The following CNTNAP5 variants were observed in gnomAD, a reference collection of about 807,000 sequenced individuals.
CNTNAP5 encodes the protein contactin associated protein family member 5, also known as contactin-associated protein-like 5.
A neutral mutation model predicts 150.2 loss-of-function variants in CNTNAP5; 72 were observed. The ratio of observed to expected loss-of-function variants is 0.48; its 90% CI spans 0.40 to 0.58. The LOEUF (loss-of-function observed/expected upper bound fraction) is 0.58. CNTNAP5 is among the 20% of genes least tolerant of loss of function. The pLI, the probability that CNTNAP5 is intolerant of heterozygous loss-of-function variation, is 0.00. For missense variants in CNTNAP5, 1,636 were observed against 1,626.2 expected, an observed-to-expected ratio of 1.01 and a Z score of -0.10; for synonymous variants, 672 against 619.8, an observed-to-expected ratio of 1.08 and a Z score of -1.25.
intron 10 of CNTNAP5, among the ~76,000 whole-genome samples, chr2:124,545,370 G>C (rs1049244667): frequency 9.2e-5 from 14 of 152,034 alleles, no homozygotes; most frequent in African/African-American, 3.4e-4. Context: ...CTATCGCAAA[G>C]TAGAGGCATG....
intron 11 of CNTNAP5, among the ~76,000 whole-genome samples, chr2:124,571,090 A>T (rs1696142513): frequency 6.6e-6 from 1 of 152,210 alleles, no homozygotes; most frequent in African/African-American, 2.4e-5. Context: ...TGACAAATAC[A>T]AATTTCCTGT....
intron 3 of CNTNAP5, among the ~76,000 whole-genome samples, chr2:124,387,496 A>G (rs550907263): frequency 1.3e-3 from 205 of 152,240 alleles, no homozygotes; most frequent in Non-Finnish European, 2.5e-3. Context: ...ATTAGTTCTT[A>G]TAGGTTTTGG....
rs533783332 is a variant in CNTNAP5 at position 124,898,126 on chromosome 2, A to G, written c.3437-4756A>G. Among the ~76,000 whole-genome samples the G allele has an allele frequency of 4.0e-5, 6 of 151,484 alleles. No homozygotes were observed. In the South Asian group the frequency reaches 1.0e-3, roughly 26 times the overall value. ...ATGAACTCCAGAGGGAAAAATTTTT[A>G]CTTGTATATACTTCTCATACCTTCC... is the stretch of plus-strand genomic sequence containing the variant. On this transcript the variant is annotated intron_variant, in intron 21 of 23. Transcript: ENST00000682447.
chr2:124,323,114 TG>T (rs1321165160), intron 3 of CNTNAP5, among the ~76,000 whole-genome samples: 2 of 152,180 alleles, frequency 1.3e-5, no homozygotes, highest in Non-Finnish European at 2.9e-5. Context: ...ATAAGTAATT[TG>T]GTAAGTTTAT....
intron 1 of CNTNAP5, among the ~76,000 whole-genome samples, chr2:124,140,357 C>T (rs1684089959): frequency 5.3e-5 from 8 of 151,820 alleles, no homozygotes; most frequent in Admixed American, 4.6e-4. Flanking sequence ...AACAAAAAAA[C>T]AGCAGTAACC....
At chr2:124,686,454 G>A (rs1021610635) in intron 13 of CNTNAP5, among the ~76,000 whole-genome samples, 7 of 152,088 alleles carry the variant, frequency 4.6e-5, no homozygotes, top group Non-Finnish European at 2.9e-5. Context: ...TAATGGATGT[G>A]CTAAATACTC....
chr2:124,223,598 T>C (rs1466654986), intron 2 of CNTNAP5, among the ~76,000 whole-genome samples: 2 of 151,852 alleles, frequency 1.3e-5, no homozygotes, highest in East Asian at 2.0e-4. Flanking sequence ...CCCACCCAAA[T>C]TGTGCAGCAG....
intron 3 of CNTNAP5, among the ~76,000 whole-genome samples, chr2:124,308,299 T>A (rs1688741123): frequency 6.6e-6 from 1 of 151,884 alleles, no homozygotes; most frequent in African/African-American, 2.4e-5. Flanking sequence ...ACACCCCAAC[T>A]CTGCTTACAA....
intron 13 of CNTNAP5, among the ~76,000 whole-genome samples, chr2:124,737,614 G>C (rs931852572): frequency 2.6e-5 from 4 of 152,136 alleles, no homozygotes; most frequent in Non-Finnish European, 4.4e-5. Context: ...TTGCAATAGG[G>C]AACTATTGGG....
chr2:124,798,845 T>C (rs1681904257), intron 19 of CNTNAP5, among the ~76,000 whole-genome samples: 1 of 152,162 alleles, frequency 6.6e-6, no homozygotes, highest in African/African-American at 2.4e-5. Context: ...TCAGGCTTTT[T>C]TTTTAAAGAT....
chr2:124,043,358 T>A (rs1175495643), intron 1 of CNTNAP5, among the ~76,000 whole-genome samples: 1 of 152,222 alleles, frequency 6.6e-6, no homozygotes, highest in Non-Finnish European at 1.5e-5. Context: ...TTTCTTCCAC[T>A]GTACATAAGT....
intron 3 of CNTNAP5, among the ~76,000 whole-genome samples, chr2:124,265,120 T>G (rs559039355): frequency 1.4e-4 from 21 of 152,268 alleles, no homozygotes; most frequent in African/African-American, 5.1e-4. Flanking sequence ...AAATGTAAGT[T>G]TCAGACAGGG....
intron 1 of CNTNAP5, among the ~76,000 whole-genome samples, chr2:124,081,169 T>G (rs1022238223): frequency 6.7e-6 from 1 of 149,878 alleles, no homozygotes; most frequent in South Asian, 2.1e-4. Context: ...GATGTACTGG[T>G]TTTTTTTTTC....
At chr2:124,793,541 A>C (rs1425883943) in intron 18 of CNTNAP5, among the ~76,000 whole-genome samples, 1 of 152,090 alleles carries the variant, frequency 6.6e-6, no homozygotes, top group East Asian at 1.9e-4. Context: ...GATCAAGTTC[A>C]TTTTCTCTAG....
Position 124,747,233 on chromosome 2 carries a change from A to C in CNTNAP5, c.2082A>C (p.Gly694=), listed in dbSNP as rs1430142194. 5 of 1,612,564 alleles carry C rather than the reference A, an allele frequency of 3.1e-6. No individual in the cohort carries two copies. Among genetic ancestry groups the C allele is most frequent in the Non-Finnish European group, 4.2e-6 (5 of 1,178,986 alleles). ...GTGGAATATCTTGTCTTCCAGATGG[A>C]ACACCATTTACCTGGTGGATTGGGC... is the stretch of plus-strand genomic sequence containing the variant. The part of the protein sequence containing the change: ...RRSRLLNTPD[G]TPFTWWIGRS... Residue 694 remains glycine (G), a synonymous_variant, in exon 14 of 24, where the codon GGA becomes GGC. Coordinates refer to ENST00000682447, the MANE Select transcript of CNTNAP5 (RefSeq NM_001367498.1).
chr2:124,915,667 G>C lies in CNTNAP5; in HGVS notation c.*1379G>C, dbSNP rs1037971758. Among the ~76,000 whole-genome samples, 3 of 152,006 alleles carry C rather than the reference G, an allele frequency of 2.0e-5. No individual in the cohort carries two copies. The highest frequency in any genetic ancestry group is 4.4e-5 in the Non-Finnish European group (3 of 67,978). On this transcript the variant is annotated 3_prime_UTR_variant, in exon 24 of 24. Coordinates refer to ENST00000682447, the MANE Select transcript of CNTNAP5 (RefSeq NM_001367498.1). ...TTTTTATAGGCTTAAACTCCCAAAA[G>C]AGGTGGTGACAAATTTCAGGGTCTT...
At chr2:124,786,624 A>G (rs2104628437) in intron 17 of CNTNAP5, among the ~76,000 whole-genome samples, 1 of 152,242 alleles carries the variant, frequency 6.6e-6, no homozygotes, top group South Asian at 2.1e-4. Flanking sequence ...CAGGAAAGAG[A>G]AAGAAGAGAG....
At chr2:124,490,071 C>T (rs1333641599) in intron 7 of CNTNAP5, among the ~76,000 whole-genome samples, 1 of 152,128 alleles carries the variant, frequency 6.6e-6, no homozygotes, top group Non-Finnish European at 1.5e-5. Flanking sequence ...TTAATTATTA[C>T]ACCTGTAATC....
At chr2:124,562,396 A>G (rs1339694393) in intron 10 of CNTNAP5, among the ~76,000 whole-genome samples, 2 of 152,144 alleles carry the variant, frequency 1.3e-5, no homozygotes, top group Non-Finnish European at 1.5e-5. Flanking sequence ...ATGATAGTCC[A>G]TTAATTTTAT....
Sources: allele counts gnomAD v4.1 joint callset (sites outside exome capture counted in the v4.1 genomes callset), GRCh38; gene constraint gnomAD v4.1.1; transcripts MANE v1.5; gene names NCBI Gene and HGNC (gene_info 2026-07-23, HGNC 2026-07-21).